SDK2: variants seen among roughly 807,000 people sequenced by gnomAD.
The protein encoded by SDK2 is protein sidekick-2.
A neutral mutation model predicts 253.9 loss-of-function variants in SDK2; 105 were observed. That is an observed-to-expected ratio of 0.41 (90% CI 0.35 to 0.49). The LOEUF (loss-of-function observed/expected upper bound fraction) is 0.49, where lower values mean the gene tolerates loss of function less well. Ranked by LOEUF, SDK2 falls within the 20% of genes least tolerant of loss-of-function variation. The probability of loss-of-function intolerance (pLI) is 0.06; values close to 1 mark genes in which losing one functional copy is unlikely to be tolerated. For missense variants in SDK2, 2,608 were observed against 3,003.0 expected (o/e 0.87, Z 3.07); for synonymous variants, 1,249 against 1,234.9 (o/e 1.01, Z -0.24).
At chr17:73,448,843 T>C (rs1287980857) in intron 4 of SDK2, among the ~76,000 whole-genome samples, 1 of 152,044 alleles carries the variant, frequency 6.6e-6, no homozygotes, top group Non-Finnish European at 1.5e-5. Flanking sequence ...ATATTTTTAG[T>C]AAAGACAGGG....
At position 73,350,660 on chromosome 17, in the gene SDK2, C is replaced by T. The variant is rs2062529238; in HGVS notation, c.5889G>A (p.Lys1963=). 1.2e-6 allele frequency: 2 copies of T among 1,611,058 alleles called. No homozygotes were observed. Among genetic ancestry groups the T allele is most frequent in the Non-Finnish European group, 1.7e-6 (2 of 1,178,848 alleles). Residue 1963 remains lysine (K), a synonymous_variant, in exon 42 of 45, where the codon AAG becomes AAA. Transcript: ENST00000392650. ...IRGQSKKYAK[K]TDSGNSAKSG... is the part of the protein sequence containing the mutation. ...TGCCAGCTCACTCACCCGAGTCTGTCTTCTTGGCGTACTTCTTGCTCTGGC... is the reference window on the plus strand; with the variant it reads ...TGCCAGCTCACTCACCCGAGTCTGTTTTCTTGGCGTACTTCTTGCTCTGGC...
intron 44 of SDK2, among the ~76,000 whole-genome samples, chr17:73,339,235 G>GTT (rs368507991): frequency 1.2e-4 from 17 of 138,358 alleles, no homozygotes; most frequent in East Asian, 6.1e-4. Flanking sequence ...TTTTGTTTTT[G>GTT]TTTTTTTTTT....
chr17:73,359,870 G>A (rs1161200638), intron 39 of SDK2, among the ~76,000 whole-genome samples: 2 of 152,144 alleles, frequency 1.3e-5, no homozygotes, highest in African/African-American at 4.8e-5. Flanking sequence ...TTGAACTCCT[G>A]GGCTCAGGCA....
In SDK2 at chr17:73,361,910, G is replaced by A; in HGVS notation, c.5306-65C>T. 1.4e-6 allele frequency: 2 copies of A among 1,477,296 alleles called. No individual in the cohort carries two copies. Among genetic ancestry groups the A allele is most frequent in the South Asian group, 2.5e-5 (2 of 79,188 alleles). 91.5% of individuals were successfully genotyped at this position (1,477,296 alleles called of 1,614,324 possible). On this transcript the variant is annotated intron_variant, in intron 38 of 44. Coordinates refer to ENST00000392650, the MANE Select transcript of SDK2 (RefSeq NM_001144952.2). The surrounding 1 kb of genome is among the most constrained non-coding windows in gnomAD (Gnocchi z 4.1). ...CACCGAGGGCACTGGAGGCCATGGG[G>A]AAGGGGAAGCGGCCGTGGCCTGGGC...
intron 40 of SDK2, among the ~76,000 whole-genome samples, chr17:73,353,489 C>T (rs894863479): frequency 3.3e-5 from 5 of 152,074 alleles, no homozygotes; most frequent in Admixed American, 1.3e-4. Flanking sequence ...GGCAGGATCT[C>T]GGCTCACAGC....
chr17:73,458,274 T>C (rs2063541403), intron 3 of SDK2, among the ~76,000 whole-genome samples: 1 of 152,174 alleles, frequency 6.6e-6, no homozygotes, highest in Admixed American at 6.5e-5. Flanking sequence ...GATGTTCAGG[T>C]AGTTCCAACG....
rs116738350 is a variant in SDK2, at chr17:73,350,317, G to A, written c.5958C>T (p.Ser1986=). 14 of 1,599,224 alleles carry A rather than the reference G, an allele frequency of 8.8e-6. No homozygotes were observed. The African/African-American group carries it at 1.7e-4, about 19-fold the overall frequency. ...GHSEMMSLDE[S]SFPALELNNR... ...TGTTGAGTTCCAGGGCAGGGAAGCT[G>A]CTTTCATCCAAGCTCATCATCTCGC... Residue 1986 remains serine (S), a synonymous_variant, in exon 43 of 45, where the codon AGC becomes AGT. Transcript: ENST00000392650.
At chr17:73,619,213 C>A (rs1204686032) in intron 1 of SDK2, among the ~76,000 whole-genome samples, 2 of 147,978 alleles carry the variant, frequency 1.4e-5, no homozygotes, top group East Asian at 2.0e-4. Context: ...GGGGAGTGAA[C>A]CAAAGTGGGC....
intron 31 of SDK2, 119 bp downstream of exon 31, chr17:73,386,326 G>A (rs905448618): frequency 6.6e-6 from 5 of 752,970 alleles, no homozygotes; most frequent in Non-Finnish European, 9.0e-6. Context: ...GAGCTGAAGG[G>A]CCCAGTGGGT....
Position 73,375,997 on chromosome 17 carries a change from C to A in SDK2, c.4980+3180G>T, listed in dbSNP as rs867858956. Among the ~76,000 whole-genome samples, 17 of 147,142 alleles carry A rather than the reference C, an allele frequency of 1.2e-4. No individual in the cohort carries two copies. In the South Asian group the frequency reaches 3.1e-3, roughly 27 times the overall value. On this transcript the variant is annotated intron_variant, in intron 36 of 44. Coordinates refer to ENST00000392650, the MANE Select transcript of SDK2 (RefSeq NM_001144952.2). ...GATCACGAAGTCAAGAGATTGAGAC[C>A]ATCCTGGCCAACATGGTGAAACCCC...
At chr17:73,339,065 T>C (rs2062408760) in intron 44 of SDK2, 125 bp from the exon 45 acceptor site, 2 of 845,774 alleles carry the variant, frequency 2.4e-6, no homozygotes, top group African/African-American at 1.7e-5. Context: ...ACTTGGACTG[T>C]GGGCCTCCCA....
intron 36 of SDK2, among the ~76,000 whole-genome samples, chr17:73,373,273 A>T (rs1007548317): frequency 6.6e-6 from 1 of 152,212 alleles, no homozygotes; most frequent in Admixed American, 6.5e-5. Flanking sequence ...ATTCACAGAC[A>T]CTCAGGCTAT....
In SDK2 at chr17:73,334,559, A is replaced by G. The variant is rs905350659; in HGVS notation, c.*4028T>C. 2 of 152,238 alleles carry G rather than the reference A, an allele frequency of 1.3e-5. No individual in the cohort carries two copies. The highest frequency in any genetic ancestry group is 4.8e-5 in the African/African-American group (2 of 41,476). The allele number at this position is 152,238 out of a possible 1,614,324, so 9.4% of individuals were successfully genotyped here. A position where few individuals can be genotyped will look rare whatever the true frequency, so the allele number is the denominator to read the frequency against. On this transcript the variant is annotated 3_prime_UTR_variant, in exon 45 of 45. Transcript: ENST00000392650. ...TTCTTACAGACAGACACCTGCCATA[A>G]TGAATACTCTCCCCATAATTTTTTG...
At position 73,570,005 on chromosome 17, in the gene SDK2, G is replaced by T. The variant is rs186226600; in HGVS notation, c.65-62408C>A. On this transcript the variant is annotated intron_variant, in intron 1 of 44. Transcript: ENST00000392650. This position sits in a 1 kb window ranked among gnomAD's most constrained non-coding sequence, Gnocchi z 4.2. ...GCCATGGACACGGGACACTTACTCT[G>T]GGTGAAGGATGAGGAGCAGGACCTC... Among the ~76,000 whole-genome samples the T allele has an allele frequency of 2.6e-5, 4 of 152,266 alleles. No homozygotes were observed. The highest frequency in any genetic ancestry group is 2.6e-4 in the Admixed American group (4 of 15,306).
rs879361483 is a variant in SDK2, at chr17:73,639,157, C to T, written c.64+4868G>A. Among the ~76,000 whole-genome samples, 6 of 152,190 alleles carry T rather than the reference C, an allele frequency of 3.9e-5. No individual in the cohort carries two copies. The highest frequency in any genetic ancestry group is 8.8e-5 in the Non-Finnish European group (6 of 68,026). On this transcript the variant is annotated intron_variant, in intron 1 of 44. Coordinates refer to ENST00000392650, the MANE Select transcript of SDK2 (RefSeq NM_001144952.2). This position sits in a 1 kb window ranked among gnomAD's most constrained non-coding sequence, Gnocchi z 4.3. ...TTTACTCATTTTACAGATGAGAAAA[C>T]TGGCTCAGCTCAGCATCGCCCAGTG...
intron 1 of SDK2, among the ~76,000 whole-genome samples, chr17:73,576,041 A>G (rs1728422335): frequency 6.6e-6 from 1 of 152,220 alleles, no homozygotes; most frequent in South Asian, 2.1e-4. Flanking sequence ...AGTTTGCACC[A>G]AGGACAGAGG....
chr17:73,453,796 A>G (rs906960637), intron 4 of SDK2, among the ~76,000 whole-genome samples: 1 of 152,272 alleles, frequency 6.6e-6, no homozygotes, highest in East Asian at 1.9e-4. Context: ...AAAATTTCTG[A>G]TGCTCAAATT....
At chr17:73,462,371 C>T (rs1016425737) in intron 3 of SDK2, among the ~76,000 whole-genome samples, 1 of 151,690 alleles carries the variant, frequency 6.6e-6, no homozygotes, top group South Asian at 2.1e-4. Context: ...TGGTTGTATG[C>T]ATGTATGTTT....
chr17:73,562,303 T>C (rs77958567), intron 1 of SDK2, among the ~76,000 whole-genome samples: 1 of 152,234 alleles, frequency 6.6e-6, no homozygotes, highest in Non-Finnish European at 1.5e-5. Flanking sequence ...TTTTGTTCCT[T>C]GTGGAATTTT....
Sources: allele counts gnomAD v4.1 joint callset (sites outside exome capture counted in the v4.1 genomes callset), GRCh38; gene constraint gnomAD v4.1.1; non-coding constraint Gnocchi (gnomAD v3.1); transcripts MANE v1.5; gene names NCBI Gene and HGNC (gene_info 2026-07-23, HGNC 2026-07-21).